Variants in TRIM67 observed in about 807,000 individuals in gnomAD.
TRIM67 encodes the protein tripartite motif-containing protein 67.
Under a neutral mutation model 71.0 loss-of-function variants are expected in TRIM67, and 39 were observed. The ratio of observed to expected loss-of-function variants is 0.55; its 90% CI spans 0.43 to 0.72. The LOEUF (loss-of-function observed/expected upper bound fraction) is 0.72. Ranked by LOEUF, TRIM67 falls within the 30% of genes least tolerant of loss-of-function variation. The pLI is 0.00. For missense variants in TRIM67, 973 were observed against 1,079.2 expected, an observed-to-expected ratio of 0.90 and a Z score of 1.38; for synonymous variants, 481 against 473.9, an observed-to-expected ratio of 1.01 and a Z score of -0.19.
chr1:231,208,423 C>T (rs1179583827), intron 7 of TRIM67, among the ~76,000 whole-genome samples: 2 of 152,142 alleles, frequency 1.3e-5, no homozygotes. Context: ...ATCCTCCCGC[C>T]TCGGCCTCCC....
chr1:231,188,133 T>C (rs1283227857), intron 1 of TRIM67, among the ~76,000 whole-genome samples: 1 of 152,146 alleles, frequency 6.6e-6, no homozygotes, highest in Non-Finnish European at 1.5e-5. Context: ...CCGTGTTACA[T>C]GGCACCATAT....
intron 9 of TRIM67, among the ~76,000 whole-genome samples, chr1:231,215,073 C>T (rs1387202480): frequency 2.0e-5 from 3 of 152,216 alleles, no homozygotes; most frequent in African/African-American, 7.2e-5. Context: ...CCACGGGAGC[C>T]AGTGCGTGAG....
chr1:231,216,625 C>T lies in TRIM67; in HGVS notation c.*1185C>T, dbSNP rs143445902. On this transcript the variant is annotated 3_prime_UTR_variant, in exon 10 of 10. Coordinates refer to ENST00000366653, the MANE Select transcript of TRIM67 (RefSeq NM_001004342.5). ...GACGGCTCTGCCCTGATGCAGTGGG[C>T]GGGATCTCTGGGGAAGGCAGGAAAT... The T allele has an allele frequency of 2.9e-4, 290 of 985,552 alleles. No homozygotes were observed. In the African/African-American group the frequency reaches 4.6e-3, roughly 16 times the overall value. 61.1% of individuals were successfully genotyped at this position (985,552 alleles called of 1,614,324 possible). A position where few individuals can be genotyped will look rare whatever the true frequency, so the allele number is the denominator to read the frequency against.
Position 231,220,050 on chromosome 1 carries a change from C to A in TRIM67, c.*4610C>A. On this transcript the variant is annotated 3_prime_UTR_variant, in exon 10 of 10. Coordinates refer to ENST00000366653, the MANE Select transcript of TRIM67 (RefSeq NM_001004342.5). Reference sequence around the variant, plus strand: ...CCTGAAATGAGACTAGTCATACTAACCTACCTCCTCTGATGTATTGTGAGG... The same window carrying A: ...CCTGAAATGAGACTAGTCATACTAAACTACCTCCTCTGATGTATTGTGAGG... 2 of 908,540 alleles carry A rather than the reference C, an allele frequency of 2.2e-6. No homozygotes were observed. The highest frequency in any genetic ancestry group is 3.1e-6 in the Non-Finnish European group (2 of 641,284). The allele number at this position is 908,540 out of a possible 1,614,324, so 56.3% of individuals were successfully genotyped here. A position where few individuals can be genotyped will look rare whatever the true frequency, so the allele number is the denominator to read the frequency against.
At chr1:231,210,961 C>CGCTT (rs1167889969) in intron 8 of TRIM67, among the ~76,000 whole-genome samples, 1 of 142,020 alleles carries the variant, frequency 7.0e-6, no homozygotes, top group East Asian at 2.1e-4. Flanking sequence ...GCAGGAGGAT[C>CGCTT]GCTTGTGCCC....
At chr1:231,170,186 G>T (rs954114616) in intron 1 of TRIM67, among the ~76,000 whole-genome samples, 17 of 151,768 alleles carry the variant, frequency 1.1e-4, no homozygotes, top group Non-Finnish European at 2.4e-4. Flanking sequence ...GGGTTTCCCC[G>T]TGTTGGTCAA....
intron 7 of TRIM67, among the ~76,000 whole-genome samples, chr1:231,208,463 C>T (rs1405524155): frequency 6.6e-6 from 1 of 152,010 alleles, no homozygotes; most frequent in Non-Finnish European, 1.5e-5. Flanking sequence ...TGTGAACCAC[C>T]ATGCCCGGCC....
intron 1 of TRIM67, among the ~76,000 whole-genome samples, chr1:231,193,361 C>T (rs139659753): frequency 7.2e-4 from 110 of 152,144 alleles, no homozygotes; most frequent in African/African-American, 2.6e-3. Context: ...CAAATTCATA[C>T]GTTGACGCCT....
intron 1 of TRIM67, 32 bp from the exon 2 acceptor site, chr1:231,197,315 ATTTTCTGTGCCTTTCACAACTAAT>A: frequency 6.5e-7 from 1 of 1,526,732 alleles, no homozygotes; most frequent in Non-Finnish European, 9.1e-7. Flanking sequence ...TGAAGTGCAA[ATTTTCTGTGCCTTTCACAACTAAT>A]TTTTCTTTTC....
intron 3 of TRIM67, among the ~76,000 whole-genome samples, 174 bp from the exon 4 acceptor site, chr1:231,199,974 G>A (rs1683474683): frequency 6.6e-6 from 1 of 152,204 alleles, no homozygotes; most frequent in South Asian, 2.1e-4. Flanking sequence ...TTATTTCCCA[G>A]CAAAGAGGAC....
At chr1:231,211,427 C>T (rs1053486214) in intron 8 of TRIM67, among the ~76,000 whole-genome samples, 23 of 152,166 alleles carry the variant, frequency 1.5e-4, no homozygotes, top group Admixed American at 5.9e-4. Flanking sequence ...AGTTGGACCC[C>T]AGAGCTGACT....
At chr1:231,176,923 A>AAAAAAAAAAAAC (rs1553322802) in intron 1 of TRIM67, among the ~76,000 whole-genome samples, 2 of 151,142 alleles carry the variant, frequency 1.3e-5, no homozygotes, top group African/African-American at 2.4e-5. Context: ...AAAAAAAAAA[A>AAAAAAAAAAAAC]CACCTTTCAA....
intron 8 of TRIM67, among the ~76,000 whole-genome samples, chr1:231,212,162 A>G (rs1683889587): frequency 6.6e-6 from 1 of 152,244 alleles, no homozygotes; most frequent in South Asian, 2.1e-4. Context: ...GCAAGAATCA[A>G]AAGAAGCAAA....
intron 1 of TRIM67, among the ~76,000 whole-genome samples, chr1:231,181,339 A>C (rs1016168058): frequency 6.6e-6 from 1 of 152,208 alleles, no homozygotes. Context: ...TATGCCTCAA[A>C]TGAGAAGCTC....
chr1:231,199,018 C>T (rs1311562956), intron 2 of TRIM67, 29 bp from the exon 3 acceptor site: 1 of 1,613,734 alleles, frequency 6.2e-7, no homozygotes, highest in Non-Finnish European at 8.5e-7. Context: ...CTCTTTGCTT[C>T]TTCCCAACCA....
At chr1:231,201,657 G>A in intron 5 of TRIM67, 140 bp downstream of exon 5, 5 of 1,093,716 alleles carry the variant, frequency 4.6e-6, no homozygotes, top group Non-Finnish European at 5.1e-6. Flanking sequence ...CAGAGTCACG[G>A]ACCTAGGTTC....
At chr1:231,167,279 G>C (rs187477288) in intron 1 of TRIM67, among the ~76,000 whole-genome samples, 150 of 149,998 alleles carry the variant, frequency 1.0e-3, no homozygotes, top group Middle Eastern at 3.5e-3. Flanking sequence ...GTGTGGCCTG[G>C]AAAGCTCAGA....
intron 7 of TRIM67, among the ~76,000 whole-genome samples, chr1:231,208,306 T>C (rs1683769044): frequency 6.6e-6 from 1 of 152,042 alleles, no homozygotes. Flanking sequence ...CCCGAGTGGC[T>C]GGGACTACAG....
intron 1 of TRIM67, chr1:231,187,589 A>AATG: frequency 6.5e-7 from 1 of 1,527,496 alleles, no homozygotes; most frequent in Non-Finnish European, 8.7e-7. Context: ...CTTTGTGCCC[A>AATG]ATGATGGTGT....
Sources: gnomAD v4.1 joint callset for allele counts (sites outside exome capture counted in the v4.1 genomes callset) on GRCh38, gnomAD v4.1.1 for gene constraint, MANE v1.5 for transcripts, NCBI Gene and HGNC (gene_info 2026-07-23, HGNC 2026-07-21) for gene names.